LAPTM4B: variants seen among roughly 807,000 people sequenced by gnomAD.
LAPTM4B encodes the protein lysosomal-associated transmembrane protein 4B.
In LAPTM4B, 26 loss-of-function variants were observed where a neutral mutation model predicts 28.5. The observed-to-expected ratio is 0.91, with a 90% CI of 0.67 to 1.27. The LOEUF (loss-of-function observed/expected upper bound fraction) is 1.27. LAPTM4B is among the 50% of genes most tolerant of loss of function. The pLI is 0.00. For synonymous variants in LAPTM4B, 109 were observed against 106.4 expected (o/e 1.02, Z -0.15); for missense variants, 288 against 285.8 (o/e 1.01, Z -0.06).
chr8:97,816,203 CT>C, intron 4 of LAPTM4B, 23 bp downstream of exon 4: 1 of 1,581,500 alleles, frequency 6.3e-7, no homozygotes, highest in South Asian at 1.2e-5. Flanking sequence ...CTTACTGCTC[CT>C]TTTCATTAAT....
At chr8:97,817,016 A>G (rs1816928404) in intron 4 of LAPTM4B, among the ~76,000 whole-genome samples, 1 of 152,198 alleles carries the variant, frequency 6.6e-6, no homozygotes, top group Non-Finnish European at 1.5e-5. Context: ...TTGTTTGACC[A>G]TAGAATCCCT....
chr8:97,811,038 T>C (rs1298028177), intron 2 of LAPTM4B, among the ~76,000 whole-genome samples: 1 of 152,146 alleles, frequency 6.6e-6, no homozygotes, highest in African/African-American at 2.4e-5. Context: ...TTATAGGGAA[T>C]TGCAAATTAC....
At chr8:97,776,339 G>A (rs887960169) in intron 1 of LAPTM4B, among the ~76,000 whole-genome samples, 4 of 152,242 alleles carry the variant, frequency 2.6e-5, no homozygotes, top group Admixed American at 2.6e-4. Context: ...GGGGCGGAGG[G>A]CCGCACTCGA....
intron 6 of LAPTM4B, among the ~76,000 whole-genome samples, chr8:97,850,968 T>A (rs147260711): frequency 1.3e-5 from 2 of 151,640 alleles, no homozygotes; most frequent in Non-Finnish European, 2.9e-5. Flanking sequence ...AAAATGTGAC[T>A]GACCCAGGCT....
At chr8:97,845,555 T>C (rs1338694963) in intron 6 of LAPTM4B, among the ~76,000 whole-genome samples, 2 of 152,110 alleles carry the variant, frequency 1.3e-5, no homozygotes, top group Admixed American at 6.5e-5. Flanking sequence ...TTGATTTCCT[T>C]ATAGCTTTAC....
chr8:97,811,223 C>T (rs575190633), intron 2 of LAPTM4B, among the ~76,000 whole-genome samples: 2 of 152,298 alleles, frequency 1.3e-5, no homozygotes, highest in Admixed American at 1.3e-4. Flanking sequence ...CCCTATGGCC[C>T]TGCATTCCAC....
In LAPTM4B at chr8:97,852,949, A is replaced by T. The variant is rs923687987; in HGVS notation, c.*1475A>T. On this transcript the variant is annotated 3_prime_UTR_variant, in exon 7 of 7. Transcript: ENST00000521545. ...AATTACCATTGGTGTGGGGGAAAAAAGCCAAACAGAAGTAGAAAAAGGTGT... is the reference window on the plus strand; with the variant it reads ...AATTACCATTGGTGTGGGGGAAAAATGCCAAACAGAAGTAGAAAAAGGTGT... 5 of 499,838 alleles carry T rather than the reference A, an allele frequency of 1.0e-5. No individual in the cohort carries two copies. The highest frequency in any genetic ancestry group is 1.7e-5 in the Non-Finnish European group (5 of 290,160). The allele number at this position is 499,838 out of a possible 1,614,324, so 31.0% of individuals were successfully genotyped here.
chr8:97,781,501 C>T (rs1480903713), intron 1 of LAPTM4B, among the ~76,000 whole-genome samples: 1 of 151,068 alleles, frequency 6.6e-6, no homozygotes, highest in Non-Finnish European at 1.5e-5. Flanking sequence ...TGGTCTTGAA[C>T]TCCTGACCTC....
At chr8:97,790,908 C>T (rs1344782774) in intron 1 of LAPTM4B, among the ~76,000 whole-genome samples, 3 of 152,018 alleles carry the variant, frequency 2.0e-5, no homozygotes, top group Non-Finnish European at 4.4e-5. Flanking sequence ...CCCGTCCTAG[C>T]TTTTTGTTTT....
intron 6 of LAPTM4B, among the ~76,000 whole-genome samples, chr8:97,835,572 C>T (rs983878473): frequency 6.6e-6 from 1 of 152,220 alleles, no homozygotes; most frequent in Non-Finnish European, 1.5e-5. Flanking sequence ...ATTGAGTAGT[C>T]ATGTCCAAAT....
chr8:97,815,796 G>A (rs1479069500), intron 3 of LAPTM4B, among the ~76,000 whole-genome samples: 4 of 152,006 alleles, frequency 2.6e-5, no homozygotes, highest in Non-Finnish European at 5.9e-5. Flanking sequence ...TCGAACTCCT[G>A]ACCTTAAGTG....
intron 6 of LAPTM4B, among the ~76,000 whole-genome samples, chr8:97,826,234 T>C (rs1219901208): frequency 6.6e-6 from 1 of 152,182 alleles, no homozygotes. Flanking sequence ...ACCACACATT[T>C]CTTGAGTTCA....
intron 1 of LAPTM4B, among the ~76,000 whole-genome samples, chr8:97,786,122 G>C (rs545470333): frequency 2.0e-5 from 3 of 152,272 alleles, no homozygotes; most frequent in African/African-American, 7.2e-5. Flanking sequence ...GTGAGCCCTA[G>C]CAACTCTCCT....
chr8:97,837,437 C>T (rs990412532), intron 6 of LAPTM4B, among the ~76,000 whole-genome samples: 7 of 152,156 alleles, frequency 4.6e-5, no homozygotes, highest in African/African-American at 1.7e-4. Flanking sequence ...AGGTGATCCA[C>T]CTGCCTTGGC....
At chr8:97,844,122 G>C (rs1172524594) in intron 6 of LAPTM4B, among the ~76,000 whole-genome samples, 1 of 151,510 alleles carries the variant, frequency 6.6e-6, no homozygotes, top group African/African-American at 2.4e-5. Flanking sequence ...GGAGAGGGGG[G>C]TCTCTGTCAT....
intron 5 of LAPTM4B, among the ~76,000 whole-genome samples, chr8:97,823,686 A>G (rs1447595731): frequency 8.4e-6 from 1 of 119,186 alleles, no homozygotes; most frequent in Non-Finnish European, 1.7e-5. Flanking sequence ...CATTATTATT[A>G]TTATTTATTT....
At chr8:97,826,869 C>A (rs767308105) in intron 6 of LAPTM4B, among the ~76,000 whole-genome samples, 2 of 152,118 alleles carry the variant, frequency 1.3e-5, no homozygotes, top group Non-Finnish European at 2.9e-5. Flanking sequence ...TAAATTTTTT[C>A]TTTTTCTTAA....
At chr8:97,815,850 G>C (rs986225629) in intron 3 of LAPTM4B, among the ~76,000 whole-genome samples, 5 of 152,138 alleles carry the variant, frequency 3.3e-5, no homozygotes, top group African/African-American at 1.2e-4. Context: ...TTACAGGTGT[G>C]AGACACCACA....
chr8:97,837,221 GTCTC>G (rs377249013), intron 6 of LAPTM4B, among the ~76,000 whole-genome samples: 4 of 146,126 alleles, frequency 2.7e-5, no homozygotes, highest in African/African-American at 1.0e-4. Context: ...TGGAGACAGA[GTCTC>G]TGTCGCCCAG....
Sources: gnomAD v4.1 joint callset for allele counts (sites outside exome capture counted in the v4.1 genomes callset) on GRCh38, gnomAD v4.1.1 for gene constraint, MANE v1.5 for transcripts, NCBI Gene and HGNC (gene_info 2026-07-23, HGNC 2026-07-21) for gene names.